The following HOMER1 variants were observed in gnomAD, a reference collection of about 807,000 sequenced individuals.
HOMER1 encodes homer scaffold protein 1.
Under a neutral mutation model 48.9 loss-of-function variants are expected in HOMER1, and 3 were observed. The ratio of observed to expected loss-of-function variants is 0.06; its 90% CI spans 0.03 to 0.16. HOMER1 has a LOEUF of 0.16. HOMER1 is among the 10% of genes least tolerant of loss of function. HOMER1 has a pLI of 1.00. For synonymous variants in HOMER1, 134 were observed against 146.4 expected (o/e 0.92, Z 0.61); for missense variants, 247 against 411.4 (o/e 0.60, Z 3.46).
intron 1 of HOMER1, among the ~76,000 whole-genome samples, chr5:79,468,799 A>G (rs1244264561): frequency 6.6e-6 from 1 of 152,190 alleles, no homozygotes; most frequent in Non-Finnish European, 1.5e-5. Context: ...GTTTTATACT[A>G]CACTCTCCTA....
intron 8 of HOMER1, among the ~76,000 whole-genome samples, chr5:79,378,112 C>T (rs1341955783): frequency 1.3e-5 from 2 of 149,944 alleles, no homozygotes; most frequent in Non-Finnish European, 3.0e-5. Context: ...CTCAGCTACT[C>T]GGGAGACTGA....
At chr5:79,505,115 G>C (rs1243149474) in intron 1 of HOMER1, among the ~76,000 whole-genome samples, 2 of 152,084 alleles carry the variant, frequency 1.3e-5, no homozygotes, top group African/African-American at 4.8e-5. Flanking sequence ...ACAAAAATTA[G>C]CCAGGTGTGG....
Position 79,376,070 on chromosome 5 carries a change from C to T in HOMER1, c.1004G>A (p.Gly335Glu), listed in dbSNP as rs1307341428. The T allele has an allele frequency of 7.4e-6, 12 of 1,613,256 alleles. No homozygotes were observed. The highest frequency in any genetic ancestry group is 1.3e-5 in the African/African-American group (1 of 74,874). ...NLKTLLEILD[G>E]KIFELTELRD... Reference sequence around the variant, plus strand: ...TAATTCTGTTAGTTCAAATATCTTTCCATCCAGAATTTCTAAGAGTGTCTT... The same window carrying T: ...TAATTCTGTTAGTTCAAATATCTTTTCATCCAGAATTTCTAAGAGTGTCTT... Residue 335 changes from glycine to glutamate, a missense_variant, in exon 9 of 9, where the codon GGA becomes GAA. Transcript: ENST00000334082.
Position 79,405,036 on chromosome 5 carries a change from A to G in HOMER1, c.528-2981T>C, listed in dbSNP as rs543879269. On this transcript the variant is annotated intron_variant, in intron 5 of 8. Transcript: ENST00000334082. Reference sequence around the variant, plus strand: ...GATTGCCTCTTCGATTCTGTGCGTGAGGCTGAACTGTGTCCCTCCAAAACT... The same window carrying G: ...GATTGCCTCTTCGATTCTGTGCGTGGGGCTGAACTGTGTCCCTCCAAAACT... Among the ~76,000 whole-genome samples, 335 of 152,154 alleles carry G rather than the reference A, an allele frequency of 2.2e-3. 1 individual carries two copies. Among genetic ancestry groups the G allele is most frequent in the African/African-American group, 7.6e-3 (317 of 41,524 alleles).
chr5:79,488,205 A>C (rs1329975756), intron 1 of HOMER1, among the ~76,000 whole-genome samples: 1 of 152,248 alleles, frequency 6.6e-6, no homozygotes, highest in Non-Finnish European at 1.5e-5. Context: ...GCAACCCGAA[A>C]GCAGACAACT....
chr5:79,476,144 A>G (rs2112333579), intron 1 of HOMER1, among the ~76,000 whole-genome samples: 2 of 152,284 alleles, frequency 1.3e-5, no homozygotes, highest in Non-Finnish European at 2.9e-5. Context: ...GGAATCTACC[A>G]TCTGCATTGA....
chr5:79,457,547 G>T (rs1489854083), intron 1 of HOMER1, among the ~76,000 whole-genome samples: 4 of 152,192 alleles, frequency 2.6e-5, no homozygotes, highest in African/African-American at 9.7e-5. Flanking sequence ...GTTCCTAGGT[G>T]CAAGAAGGCT....
chr5:79,454,920 T>C (rs931304505), intron 2 of HOMER1, among the ~76,000 whole-genome samples: 4 of 152,178 alleles, frequency 2.6e-5, no homozygotes, highest in South Asian at 2.1e-4. Context: ...GGTGGAATGA[T>C]GTAGGTATTT....
At chr5:79,401,819 G>A in intron 6 of HOMER1, 80 bp downstream of exon 6, 1 of 1,359,070 alleles carries the variant, frequency 7.4e-7, no homozygotes, top group South Asian at 1.3e-5. Flanking sequence ...ATATCCCTGT[G>A]CTGAATCTAC....
chr5:79,392,023 T>A (rs1485468107), intron 8 of HOMER1, among the ~76,000 whole-genome samples: 5 of 152,138 alleles, frequency 3.3e-5, no homozygotes, highest in Non-Finnish European at 5.9e-5. Context: ...TACTCATGTG[T>A]TTGTGGTGAT....
intron 5 of HOMER1, among the ~76,000 whole-genome samples, chr5:79,403,534 TGA>T (rs1007187290): frequency 6.6e-6 from 1 of 152,042 alleles, no homozygotes; most frequent in Admixed American, 6.6e-5. Context: ...AAACCCAAAC[TGA>T]GGGACAATCT....
chr5:79,500,993 C>CACACACA (rs1408324948), intron 1 of HOMER1, among the ~76,000 whole-genome samples: 6 of 145,776 alleles, frequency 4.1e-5, no homozygotes, highest in African/African-American at 1.5e-4. Flanking sequence ...CACACACACA[C>CACACACA]AAGGTCTGGC....
chr5:79,500,955 G>GTGTGTCTGTCTGTCTC (rs1266401084), intron 1 of HOMER1, among the ~76,000 whole-genome samples: 6 of 109,604 alleles, frequency 5.5e-5, no homozygotes, highest in African/African-American at 2.8e-4. Flanking sequence ...GTGTGTGTGA[G>GTGTGTCTGTCTGTCTC]ACAGACAGAC....
chr5:79,506,852 A>C (rs889462502), intron 1 of HOMER1, among the ~76,000 whole-genome samples: 3 of 136,028 alleles, frequency 2.2e-5, no homozygotes, highest in African/African-American at 3.2e-5. Flanking sequence ...AAACAAACAA[A>C]AAAATATATA....
chr5:79,385,675 T>C (rs1372916879), intron 8 of HOMER1, among the ~76,000 whole-genome samples: 2 of 151,866 alleles, frequency 1.3e-5, no homozygotes, highest in Non-Finnish European at 2.9e-5. Context: ...AAACCCCATC[T>C]CTACTAAAAA....
At chr5:79,389,970 G>A (rs1238837315) in intron 8 of HOMER1, among the ~76,000 whole-genome samples, 1 of 152,152 alleles carries the variant, frequency 6.6e-6, no homozygotes, top group Non-Finnish European at 1.5e-5. Context: ...TAATAATTCA[G>A]AGTCAAAGGA....
intron 5 of HOMER1, among the ~76,000 whole-genome samples, chr5:79,427,672 CCCTTCCTTCCTTCCCTTCCTTCCTTT>C (rs1750298831): frequency 3.1e-5 from 3 of 97,640 alleles, no homozygotes; most frequent in Admixed American, 2.2e-4. Flanking sequence ...TCCTTTCCTT[CCCTTCCTTCCTTCCCTTCCTTCCTTT>C]CCTTCCTTCC....
chr5:79,442,165 C>T (rs1354186362), intron 4 of HOMER1, among the ~76,000 whole-genome samples: 1 of 151,644 alleles, frequency 6.6e-6, no homozygotes, highest in Non-Finnish European at 1.5e-5. Flanking sequence ...AAATAATCTA[C>T]AGTAAGAAAA....
Position 79,436,137 on chromosome 5 carries a change from A to T in HOMER1, c.527+2873T>A, listed in dbSNP as rs188966716. On this transcript the variant is annotated intron_variant, in intron 5 of 8. Coordinates refer to ENST00000334082, the MANE Select transcript of HOMER1 (RefSeq NM_004272.5). The stretch of plus-strand genomic sequence containing the variant: ...GACAGAGCGAGACTCCGTCTCAAAA[A>T]AAATAAATAAATAAAAATAAATAAA... 9.6e-3 allele frequency among the ~76,000 whole-genome samples: 1,442 copies of T among 150,320 alleles called. 21 individuals are homozygous for T. Among genetic ancestry groups the T allele is most frequent in the African/African-American group, 0.034 (1,362 of 40,144 alleles).
Sources: gnomAD v4.1 joint callset for allele counts (sites outside exome capture counted in the v4.1 genomes callset) on GRCh38, gnomAD v4.1.1 for gene constraint, MANE v1.5 for transcripts, NCBI Gene and HGNC (gene_info 2026-07-23, HGNC 2026-07-21) for gene names.